Variants in FSHR observed in about 807,000 individuals in gnomAD.
FSHR encodes the protein follicle stimulating hormone receptor.
In FSHR, 46 loss-of-function variants were observed where a neutral mutation model predicts 52.1. The observed-to-expected ratio is 0.88, with a 90% CI of 0.70 to 1.13. The LOEUF is 1.13. Among genes scored for constraint, FSHR ranks in the 50% most tolerant of loss-of-function variants. The pLI is 0.00. For missense variants in FSHR, 964 were observed against 834.6 expected, an observed-to-expected ratio of 1.16 and a Z score of -1.91; for synonymous variants, 399 against 309.6, an observed-to-expected ratio of 1.29 and a Z score of -3.03.
At chr2:49,004,471 GGGGC>G in intron 4 of FSHR, among the ~76,000 whole-genome samples, 1 of 152,178 alleles carries the variant, frequency 6.6e-6, no homozygotes, top group East Asian at 1.9e-4. Flanking sequence ...CCCCTCGTGT[GGGGC>G]CTGAATATGA....
intron 1 of FSHR, among the ~76,000 whole-genome samples, chr2:49,094,065 A>C (rs538671502): frequency 1.3e-5 from 2 of 152,082 alleles, no homozygotes; most frequent in Non-Finnish European, 2.9e-5. Context: ...TCTATATTTC[A>C]TTAGTTTCCT....
At chr2:49,083,858 A>T (rs989687687) in intron 1 of FSHR, among the ~76,000 whole-genome samples, 2 of 149,194 alleles carry the variant, frequency 1.3e-5, no homozygotes, top group African/African-American at 5.0e-5. Flanking sequence ...GTCCTGAGTG[A>T]CCTACAAAGA....
At chr2:49,014,627 G>C (rs762378337) in intron 4 of FSHR, 3 of 267,460 alleles carry the variant, frequency 1.1e-5, no homozygotes, top group African/African-American at 6.9e-5. Context: ...CAAGATGTGG[G>C]TCAATGATGA....
intron 2 of FSHR, among the ~76,000 whole-genome samples, chr2:49,064,707 G>C (rs565334819): frequency 6.6e-6 from 1 of 152,258 alleles, no homozygotes; most frequent in Non-Finnish European, 1.5e-5. Flanking sequence ...ACAGGACTTG[G>C]TGTTGTACTT....
intron 1 of FSHR, among the ~76,000 whole-genome samples, chr2:49,117,545 T>A (rs956659582): frequency 2.4e-4 from 37 of 152,216 alleles, no homozygotes; most frequent in African/African-American, 8.7e-4. Context: ...GCTATAAGAG[T>A]TCCGAAGACT....
At chr2:49,115,406 G>C (rs1412804973) in intron 1 of FSHR, among the ~76,000 whole-genome samples, 2 of 152,110 alleles carry the variant, frequency 1.3e-5, no homozygotes, top group Admixed American at 6.6e-5. Flanking sequence ...TTTGTGGAAA[G>C]ATGGAAAAAC....
At chr2:49,119,518 T>A (rs896102762) in intron 1 of FSHR, among the ~76,000 whole-genome samples, 15 of 152,086 alleles carry the variant, frequency 9.9e-5, no homozygotes, top group Admixed American at 9.8e-4. Context: ...ACCTGAAAAA[T>A]TTTTTTCTTT....
At chr2:49,047,107 A>G (rs746890251) in intron 2 of FSHR, among the ~76,000 whole-genome samples, 1 of 152,122 alleles carries the variant, frequency 6.6e-6, no homozygotes, top group Non-Finnish European at 1.5e-5. Context: ...ATTAGAATGG[A>G]ACTTACTCTA....
intron 2 of FSHR, among the ~76,000 whole-genome samples, chr2:49,025,680 C>A (rs892218099): frequency 1.6e-4 from 24 of 152,298 alleles, no homozygotes; most frequent in Admixed American, 5.9e-4. Context: ...TTGTGACAGT[C>A]AACCACTGTG....
intron 8 of FSHR, among the ~76,000 whole-genome samples, chr2:48,974,986 G>C (rs536863156): frequency 1.6e-4 from 25 of 152,090 alleles, no homozygotes; most frequent in Admixed American, 1.6e-3. Flanking sequence ...ATACATGGGC[G>C]TGGGTGGGGG....
At chr2:49,063,458 C>T (rs937535004) in intron 2 of FSHR, among the ~76,000 whole-genome samples, 1 of 151,884 alleles carries the variant, frequency 6.6e-6, no homozygotes, top group Non-Finnish European at 1.5e-5. Flanking sequence ...ATGTATGTGA[C>T]ACACACTCAC....
At chr2:49,005,425 A>G (rs1667044524) in intron 4 of FSHR, among the ~76,000 whole-genome samples, 1 of 152,120 alleles carries the variant, frequency 6.6e-6, no homozygotes, top group South Asian at 2.1e-4. Flanking sequence ...GTGCCCAAAC[A>G]TCCTTGTAGT....
At chr2:49,004,942 G>A (rs946740965) in intron 4 of FSHR, among the ~76,000 whole-genome samples, 7 of 152,136 alleles carry the variant, frequency 4.6e-5, no homozygotes, top group Non-Finnish European at 1.0e-4. Context: ...TCACCTATGT[G>A]CTATTTGAGT....
chr2:49,152,653 G>T (rs1352396479), intron 1 of FSHR, among the ~76,000 whole-genome samples: 1 of 152,096 alleles, frequency 6.6e-6, no homozygotes. Flanking sequence ...AACTTGTTTG[G>T]GTCTGTTTGT....
At chr2:49,116,832 G>GT (rs748636095) in intron 1 of FSHR, among the ~76,000 whole-genome samples, 10 of 152,138 alleles carry the variant, frequency 6.6e-5, no homozygotes, top group Admixed American at 1.3e-4. Context: ...CAAGATTCTG[G>GT]TCTCTTTTCC....
intron 1 of FSHR, among the ~76,000 whole-genome samples, chr2:49,150,096 T>C (rs939933789): frequency 2.0e-5 from 3 of 151,960 alleles, no homozygotes; most frequent in African/African-American, 7.2e-5. Context: ...TAAAGTAAGA[T>C]CAAAGGCACT....
chr2:49,138,495 T>C (rs1403776159), intron 1 of FSHR, among the ~76,000 whole-genome samples: 1 of 152,186 alleles, frequency 6.6e-6, no homozygotes. Flanking sequence ...ATGTGGCATA[T>C]CCATACAATT....
intron 2 of FSHR, among the ~76,000 whole-genome samples, chr2:49,058,255 C>T (rs1207856586): frequency 6.6e-6 from 1 of 152,076 alleles, no homozygotes; most frequent in East Asian, 1.9e-4. Context: ...ACATATTATA[C>T]ATGGAAAAAC....
At chr2:49,006,743 T>C (rs1411560533) in intron 4 of FSHR, among the ~76,000 whole-genome samples, 4 of 152,118 alleles carry the variant, frequency 2.6e-5, no homozygotes, top group Middle Eastern at 3.2e-3. Flanking sequence ...TAACGTTTGA[T>C]AGACTTTTCT....
Sources: gnomAD v4.1 joint callset for allele counts (sites outside exome capture counted in the v4.1 genomes callset) on GRCh38, gnomAD v4.1.1 for gene constraint, MANE v1.5 for transcripts, NCBI Gene and HGNC (gene_info 2026-07-23, HGNC 2026-07-21) for gene names.